RFX7: variants seen among roughly 807,000 people sequenced by gnomAD.
RFX7 encodes regulatory factor X7, also known as DNA-binding protein RFX7.
Under a neutral mutation model 111.8 loss-of-function variants are expected in RFX7, and 26 were observed. The observed-to-expected ratio is 0.23, with a 90% confidence interval of 0.17 to 0.32. The LOEUF (loss-of-function observed/expected upper bound fraction) is 0.32. RFX7 is among the 10% of genes least tolerant of loss of function. The pLI is 1.00. For missense variants in RFX7, 1,573 were observed against 1,772.9 expected, an observed-to-expected ratio of 0.89 and a Z score of 2.02; for synonymous variants, 624 against 624.4, an observed-to-expected ratio of 1.00 and a Z score of 0.01.
intron 5 of RFX7, among the ~76,000 whole-genome samples, chr15:56,138,580 CTG>C (rs1368150841): frequency 2.0e-5 from 3 of 151,670 alleles, no homozygotes; most frequent in African/African-American, 7.3e-5. Flanking sequence ...ATTTGCCAGT[CTG>C]TGTCTTTTAA....
At chr15:56,174,210 G>A (rs4774848) in intron 3 of RFX7, among the ~76,000 whole-genome samples, 46,615 of 151,614 alleles carry the variant, frequency 0.31, 8,824 homozygotes, top group Non-Finnish European at 0.41. Context: ...TTCAAGAGGC[G>A]GAGGTTGCAG....
intron 5 of RFX7, among the ~76,000 whole-genome samples, chr15:56,109,032 TCTCCCTCTCCCA>T (rs1460402562): frequency 5.3e-5 from 8 of 151,146 alleles, no homozygotes; most frequent in Non-Finnish European, 1.0e-4. Flanking sequence ...TCCCTCTCCC[TCTCCCTCTCCCA>T]CTCCCTCTGC....
intron 5 of RFX7, among the ~76,000 whole-genome samples, chr15:56,122,730 C>G (rs1460256775): frequency 8.0e-6 from 1 of 124,312 alleles, no homozygotes; most frequent in Non-Finnish European, 1.7e-5. Context: ...TGCGGTTAAG[C>G]TGGCACCCAA....
At chr15:56,204,010 T>A (rs1432917779) in intron 2 of RFX7, among the ~76,000 whole-genome samples, 1 of 147,310 alleles carries the variant, frequency 6.8e-6, no homozygotes, top group Non-Finnish European at 1.5e-5. Flanking sequence ...CTCTTTTCTG[T>A]AACAAAACCT....
intron 5 of RFX7, among the ~76,000 whole-genome samples, chr15:56,125,424 C>A (rs897668392): frequency 6.6e-6 from 1 of 152,124 alleles, no homozygotes; most frequent in African/African-American, 2.4e-5. Context: ...TGCATTCAAT[C>A]TGTAGACTGC....
Position 56,197,022 on chromosome 15 carries a change from A to G in RFX7, c.162-17719T>C, listed in dbSNP as rs188026791. On this transcript the variant is annotated intron_variant, in intron 2 of 9. Coordinates refer to ENST00000559447, the MANE Select transcript of RFX7 (RefSeq NM_022841.7). ...CCAATCTATACTCCATCAGCTGTGT[A>G]TAAGACTGATTTCTCTCTATCCTCT... Among the ~76,000 whole-genome samples, 5 of 152,292 alleles carry G rather than the reference A, an allele frequency of 3.3e-5. 1 individual carries two copies. The highest frequency in any genetic ancestry group is 4.1e-4 in the South Asian group (2 of 4,824).
At chr15:56,129,637 C>A (rs1183538421) in intron 5 of RFX7, among the ~76,000 whole-genome samples, 1 of 152,160 alleles carries the variant, frequency 6.6e-6, no homozygotes, top group Non-Finnish European at 1.5e-5. Flanking sequence ...GGAGAGCACA[C>A]TGCCCTGAAA....
intron 5 of RFX7, among the ~76,000 whole-genome samples, chr15:56,124,424 A>G (rs202059551): frequency 4.2e-4 from 44 of 105,152 alleles, no homozygotes; most frequent in East Asian, 1.5e-3. Flanking sequence ...TCAGTCTCCG[A>G]AAAAAAAAAA....
intron 2 of RFX7, among the ~76,000 whole-genome samples, chr15:56,198,714 T>C (rs543759969): frequency 1.3e-5 from 2 of 152,268 alleles, no homozygotes; most frequent in African/African-American, 2.4e-5. Flanking sequence ...AAATGTGATA[T>C]GATGTCTGGG....
At chr15:56,125,521 T>C (rs967976783) in intron 5 of RFX7, among the ~76,000 whole-genome samples, 6 of 152,114 alleles carry the variant, frequency 3.9e-5, no homozygotes, top group African/African-American at 1.4e-4. Context: ...TCTTCTTTAA[T>C]TTCTTTTATC....
chr15:56,140,586 C>G (rs1429033844), intron 5 of RFX7, among the ~76,000 whole-genome samples: 1 of 152,206 alleles, frequency 6.6e-6, no homozygotes, highest in African/African-American at 2.4e-5. Flanking sequence ...CTGCGTCACT[C>G]AGGCCGGAGC....
intron 3 of RFX7, among the ~76,000 whole-genome samples, chr15:56,163,520 T>A (rs1283533041): frequency 1.3e-5 from 2 of 152,186 alleles, no homozygotes; most frequent in African/African-American, 4.8e-5. Flanking sequence ...AGGCACTATC[T>A]TATATTTTAG....
chr15:56,110,273 G>C lies in RFX7; in HGVS notation c.402-6603C>G, dbSNP rs1405278096. On this transcript the variant is annotated intron_variant, in intron 5 of 9. Coordinates refer to ENST00000559447, the MANE Select transcript of RFX7 (RefSeq NM_022841.7). ...CCCCGTCCGGGAGGGAGGTGGGGGG[G>C]GGTCAGCCCCCCGCCTGGCCAGCCG... 2.1e-3 allele frequency among the ~76,000 whole-genome samples: 230 copies of C among 109,316 alleles called. 5 individuals are homozygous for C. The highest frequency in any genetic ancestry group is 7.5e-3 in the African/African-American group (219 of 29,138). The allele number at this position is 109,316 out of a possible 152,430, so 71.7% of individuals were successfully genotyped here. A position where few individuals can be genotyped will look rare whatever the true frequency, so the allele number is the denominator to read the frequency against.
chr15:56,134,421 G>T (rs542551191), intron 5 of RFX7, among the ~76,000 whole-genome samples: 1 of 151,944 alleles, frequency 6.6e-6, no homozygotes, highest in Non-Finnish European at 1.5e-5. Flanking sequence ...GAAATTTTTT[G>T]AACTAAAATA....
chr15:56,152,058 A>G (rs763613696), intron 3 of RFX7, among the ~76,000 whole-genome samples: 5 of 152,248 alleles, frequency 3.3e-5, no homozygotes, highest in Admixed American at 6.5e-5. Context: ...TTCATAAAGC[A>G]AGTTCTTAGA....
At chr15:56,203,392 A>G (rs1293883267) in intron 2 of RFX7, among the ~76,000 whole-genome samples, 2 of 152,206 alleles carry the variant, frequency 1.3e-5, no homozygotes, top group Admixed American at 1.3e-4. Flanking sequence ...GGATTTTAAT[A>G]TTGTTTAAAA....
Position 56,191,461 on chromosome 15 carries a change from A to T in RFX7, c.162-12158T>A, listed in dbSNP as rs144561685. On this transcript the variant is annotated intron_variant, in intron 2 of 9. Transcript: ENST00000559447. The stretch of plus-strand genomic sequence containing the variant: ...GCTGGAAAGATATGCACAAAAATAC[A>T]CGTATCACTCAATAATAAACCACCA... Among the ~76,000 whole-genome samples, 358 of 152,332 alleles carry T rather than the reference A, an allele frequency of 2.4e-3. 3 individuals carry two copies. Among genetic ancestry groups the T allele is most frequent in the African/African-American group, 8.3e-3 (343 of 41,568 alleles).
At chr15:56,128,677 T>C (rs1447754555) in intron 5 of RFX7, among the ~76,000 whole-genome samples, 3 of 152,150 alleles carry the variant, frequency 2.0e-5, no homozygotes, top group African/African-American at 4.8e-5. Context: ...ACTCTTACCA[T>C]TTCTATTCAA....
chr15:56,102,459 TA>T (rs2041767672), intron 6 of RFX7, among the ~76,000 whole-genome samples: 1 of 152,198 alleles, frequency 6.6e-6, no homozygotes, highest in South Asian at 2.1e-4. Flanking sequence ...TTTAGAATGT[TA>T]AATACTACTG....
Sources: allele counts gnomAD v4.1 joint callset (sites outside exome capture counted in the v4.1 genomes callset), GRCh38; gene constraint gnomAD v4.1.1; transcripts MANE v1.5; gene names NCBI Gene and HGNC (gene_info 2026-07-23, HGNC 2026-07-21).